The following PPP4R3B variants were observed in gnomAD, a reference collection of about 807,000 sequenced individuals.
The protein encoded by PPP4R3B is serine/threonine-protein phosphatase 4 regulatory subunit 3B.
A neutral mutation model predicts 95.4 loss-of-function variants in PPP4R3B; 52 were observed. That is an observed-to-expected ratio of 0.54 (90% confidence interval 0.44 to 0.69). The LOEUF is 0.69. Among genes scored for constraint, PPP4R3B ranks in the 30% least tolerant of loss-of-function variants. The probability of loss-of-function intolerance (pLI) is 0.00; values close to 1 mark genes in which losing one functional copy is unlikely to be tolerated. For synonymous variants in PPP4R3B, 407 were observed against 343.9 expected (o/e 1.18, Z -2.03); for missense variants, 1,003 against 1,005.9 (o/e 1.00, Z 0.04).
intron 10 of PPP4R3B, among the ~76,000 whole-genome samples, chr2:55,577,798 G>A (rs1257050148): frequency 2.0e-5 from 3 of 151,828 alleles, no homozygotes; most frequent in Admixed American, 2.0e-4. Flanking sequence ...AATAATGAAT[G>A]TGTTTATGCT....
chr2:55,599,305 G>T (rs1268468883), intron 3 of PPP4R3B, among the ~76,000 whole-genome samples: 1 of 152,134 alleles, frequency 6.6e-6, no homozygotes, highest in Non-Finnish European at 1.5e-5. Flanking sequence ...AGGTGTGGTG[G>T]CATACGCCTG....
At chr2:55,560,942 G>A (rs1478498345) in intron 15 of PPP4R3B, among the ~76,000 whole-genome samples, 1 of 152,208 alleles carries the variant, frequency 6.6e-6, no homozygotes, top group African/African-American at 2.4e-5. Context: ...CCATGCAGTA[G>A]AAAAGAAAAC....
chr2:55,615,857 C>CA (rs58981030), intron 1 of PPP4R3B, among the ~76,000 whole-genome samples: 2,800 of 39,214 alleles, frequency 0.071, 278 homozygotes, highest in African/African-American at 0.13. Context: ...ACTCTGTCTC[C>CA]AAAAAAAAAA....
At chr2:55,581,447 C>T in intron 8 of PPP4R3B, 120 bp downstream of exon 8, 1 of 1,015,504 alleles carries the variant, frequency 9.8e-7, no homozygotes, top group Non-Finnish European at 1.4e-6. Context: ...TATAAGAATA[C>T]CACTGCTACT....
intron 1 of PPP4R3B, 101 bp downstream of exon 1, chr2:55,617,043 G>T: frequency 1.4e-6 from 2 of 1,390,098 alleles, no homozygotes; most frequent in Non-Finnish European, 1.9e-6. Flanking sequence ...CCAACGCGCT[G>T]TCCCGAAGGA....
At chr2:55,587,668 G>C (rs919670240) in intron 5 of PPP4R3B, among the ~76,000 whole-genome samples, 22 of 152,306 alleles carry the variant, frequency 1.4e-4, no homozygotes, top group Non-Finnish European at 2.8e-4. Flanking sequence ...GTGCAAAAAT[G>C]CCAGGTAATA....
chr2:55,578,981 C>G (rs576297022), intron 9 of PPP4R3B, among the ~76,000 whole-genome samples: 139 of 152,110 alleles, frequency 9.1e-4, no homozygotes, highest in Non-Finnish European at 8.0e-4. Flanking sequence ...GTAATATCTA[C>G]AGTTAAGTTG....
At chr2:55,592,489 T>C (rs1274798331) in intron 4 of PPP4R3B, among the ~76,000 whole-genome samples, 1 of 152,164 alleles carries the variant, frequency 6.6e-6, no homozygotes, top group Non-Finnish European at 1.5e-5. Context: ...AGAAAAATCC[T>C]AAAAACAAAA....
intron 3 of PPP4R3B, among the ~76,000 whole-genome samples, chr2:55,601,541 C>T (rs762789105): frequency 4.9e-4 from 74 of 151,972 alleles, no homozygotes; most frequent in South Asian, 2.1e-4. Context: ...CCACCATGCC[C>T]GGCTAATTTT....
intron 12 of PPP4R3B, among the ~76,000 whole-genome samples, chr2:55,571,349 A>G (rs1195015101): frequency 6.6e-6 from 1 of 152,152 alleles, no homozygotes; most frequent in Non-Finnish European, 1.5e-5. Flanking sequence ...ACATGTTCCT[A>G]TTAAGGGAAG....
chr2:55,549,592 T>C lies in PPP4R3B; in HGVS notation c.*319A>G. ...ACCCCGAGGAGCAACCCTGCATTAT[T>C]ATATCAACCTTTTCCCCTCCCCTAA... On this transcript the variant is annotated 3_prime_UTR_variant, in exon 17 of 17. Transcript: ENST00000616407. The C allele has an allele frequency of 3.9e-6, 1 of 259,580 alleles. No homozygotes were observed. Among genetic ancestry groups the C allele is most frequent in the Non-Finnish European group, 7.3e-6 (1 of 137,174 alleles). 16.1% of individuals were successfully genotyped at this position (259,580 alleles called of 1,614,324 possible). A position where few individuals can be genotyped will look rare whatever the true frequency, so the allele number is the denominator to read the frequency against.
chr2:55,565,548 G>A (rs1429561153), intron 13 of PPP4R3B, among the ~76,000 whole-genome samples: 7 of 151,724 alleles, frequency 4.6e-5, no homozygotes, highest in South Asian at 2.1e-4. Context: ...CCAAATACCC[G>A]GACTTGATCA....
chr2:55,578,371 G>C (rs888613410), intron 9 of PPP4R3B, 29 bp from the exon 10 acceptor site: 6 of 1,331,304 alleles, frequency 4.5e-6, no homozygotes, highest in African/African-American at 1.5e-5. Context: ...AGTTAGTTTT[G>C]ATAAAGCCAA....
chr2:55,616,858 C>T (rs1409158655), intron 1 of PPP4R3B, among the ~76,000 whole-genome samples: 2 of 152,138 alleles, frequency 1.3e-5, no homozygotes, highest in Non-Finnish European at 2.9e-5. Context: ...TAGTCTCTCA[C>T]TACTTCCTCC....
rs371958813 is a variant in PPP4R3B at position 55,586,762 on chromosome 2, A to T, written c.1000-28T>A. ...GTAATGTCAGAAATTTTAGTGAGAC[A>T]TTGATAAACATAAACTTGGGGCACA... is the stretch of plus-strand genomic sequence containing the variant. On this transcript the variant is annotated intron_variant, in intron 5 of 16. Transcript: ENST00000616407. 8.8e-6 allele frequency: 12 copies of T among 1,357,802 alleles called. No homozygotes were observed. In the African/African-American group the frequency reaches 1.7e-4, roughly 20 times the overall value. The allele number at this position is 1,357,802 out of a possible 1,614,324, so 84.1% of individuals were successfully genotyped here. A position where few individuals can be genotyped will look rare whatever the true frequency, so the allele number is the denominator to read the frequency against.
At chr2:55,567,131 T>C (rs551789089) in intron 13 of PPP4R3B, among the ~76,000 whole-genome samples, 41 of 152,370 alleles carry the variant, frequency 2.7e-4, no homozygotes, top group East Asian at 2.5e-3. Flanking sequence ...TCTACAGTTA[T>C]CTGTTGCATT....
chr2:55,568,983 T>C (rs1687640535), intron 12 of PPP4R3B, among the ~76,000 whole-genome samples: 1 of 152,122 alleles, frequency 6.6e-6, no homozygotes, highest in African/African-American at 2.4e-5. Flanking sequence ...ATAAAATATA[T>C]AAAATAAGAA....
intron 2 of PPP4R3B, among the ~76,000 whole-genome samples, chr2:55,608,680 GCTTA>G (rs369487615): frequency 2.4e-4 from 37 of 152,252 alleles, no homozygotes; most frequent in African/African-American, 8.4e-4. Context: ...CTCTTCAAAA[GCTTA>G]CTTTAAAAAT....
chr2:55,613,335 C>T (rs1402017146), intron 2 of PPP4R3B, among the ~76,000 whole-genome samples: 1 of 149,522 alleles, frequency 6.7e-6, no homozygotes, highest in East Asian at 1.9e-4. Context: ...TTCTCTTATA[C>T]ACCTGAATGT....
Sources: gnomAD v4.1 joint callset for allele counts (sites outside exome capture counted in the v4.1 genomes callset) on GRCh38, gnomAD v4.1.1 for gene constraint, MANE v1.5 for transcripts, NCBI Gene and HGNC (gene_info 2026-07-23, HGNC 2026-07-21) for gene names.